Variants in IRAK1BP1 observed in about 807,000 individuals in gnomAD.
IRAK1BP1 encodes interleukin 1 receptor associated kinase 1 binding protein 1, also known as interleukin-1 receptor-associated kinase 1-binding protein 1.
In IRAK1BP1, 24 loss-of-function variants were observed where a neutral mutation model predicts 28.0. The observed-to-expected ratio is 0.86, with a 90% CI of 0.62 to 1.20. The LOEUF is 1.20. IRAK1BP1 is among the 50% of genes most tolerant of loss of function. The pLI, the probability that IRAK1BP1 is intolerant of heterozygous loss-of-function variation, is 0.00. For missense variants in IRAK1BP1, 336 were observed against 316.7 expected, an observed-to-expected ratio of 1.06 and a Z score of -0.46; for synonymous variants, 131 against 116.3, an observed-to-expected ratio of 1.13 and a Z score of -0.81.
intron 1 of IRAK1BP1, among the ~76,000 whole-genome samples, chr6:78,882,596 A>G (rs910117905): frequency 6.6e-6 from 1 of 152,218 alleles, no homozygotes; most frequent in Admixed American, 6.5e-5. Flanking sequence ...AGAAAACATC[A>G]ATGTCAAAAT....
chr6:78,935,993 C>T (rs1274334640), intron 4 of IRAK1BP1: 1 of 152,572 alleles, frequency 6.6e-6, no homozygotes, highest in Non-Finnish European at 1.5e-5. Flanking sequence ...TGCATCAAAA[C>T]TAACATAGAA....
chr6:78,903,237 C>T, downstream of IRAK1BP1: 1 of 509,298 alleles, frequency 2.0e-6, no homozygotes. Flanking sequence ...AATCCCAACA[C>T]TTCGGGAGGC....
intron 4 of IRAK1BP1, among the ~76,000 whole-genome samples, chr6:78,944,329 G>A (rs1000646585): frequency 2.6e-5 from 4 of 152,140 alleles, no homozygotes; most frequent in African/African-American, 2.4e-5. Context: ...CTGTGTGTAC[G>A]TACACACATC....
At chr6:78,973,952 C>A in the IRAK1BP1 span, among the ~76,000 whole-genome samples, 2 of 152,010 alleles carry the variant, frequency 1.3e-5, no homozygotes, top group Non-Finnish European at 2.9e-5. Flanking sequence ...CCACTGTCAA[C>A]ATTAGACAGA....
At chr6:78,971,681 C>T in the IRAK1BP1 span, among the ~76,000 whole-genome samples, 11 of 152,012 alleles carry the variant, frequency 7.2e-5, no homozygotes, top group Admixed American at 3.3e-4. Context: ...GCACCGTGTG[C>T]GAGCCGAAGT....
At chr6:78,938,535 C>G (rs960262785) in intron 4 of IRAK1BP1, 7 of 151,494 alleles carry the variant, frequency 4.6e-5, no homozygotes, top group African/African-American at 1.7e-4. Flanking sequence ...AGATTGCCTT[C>G]AAAAGCAACT....
At chr6:78,888,870 C>T (rs550295454) in intron 2 of IRAK1BP1, among the ~76,000 whole-genome samples, 344 of 152,134 alleles carry the variant, frequency 2.3e-3, no homozygotes, top group Non-Finnish European at 3.5e-3. Flanking sequence ...CTAATCCCAG[C>T]ACTTTGGGAG....
At chr6:78,964,692 C>T in the IRAK1BP1 span, among the ~76,000 whole-genome samples, 281 of 152,224 alleles carry the variant, frequency 1.8e-3, no homozygotes, top group African/African-American at 6.1e-3. Context: ...GGGGTTTCAC[C>T]ATGTTGGTCA....
the IRAK1BP1 span, among the ~76,000 whole-genome samples, chr6:78,975,547 G>T: frequency 5.3e-5 from 8 of 151,962 alleles, no homozygotes; most frequent in East Asian, 3.9e-4. Flanking sequence ...GAGAAGGAAA[G>T]AAAGGGTATT....
chr6:78,867,961 C>A, intron 1 of IRAK1BP1, 70 bp downstream of exon 1: 1 of 1,434,980 alleles, frequency 7.0e-7, no homozygotes, highest in Non-Finnish European at 9.3e-7. Context: ...TCGGGCCCCA[C>A]AGGCCCCCCT....
At chr6:78,868,777 G>A (rs1300489979) in intron 1 of IRAK1BP1, among the ~76,000 whole-genome samples, 1 of 152,124 alleles carries the variant, frequency 6.6e-6, no homozygotes, top group African/African-American at 2.4e-5. Context: ...CAATTCTGCC[G>A]ATAATTAGAA....
Position 78,903,043 on chromosome 6 carries a change from GC to G in IRAK1BP1, c.*4711del. 1 of 1,533,856 alleles carries G rather than the reference GC, an allele frequency of 6.5e-7. No individual in the cohort carries two copies. The highest frequency in any genetic ancestry group is 8.7e-7 in the Non-Finnish European group (1 of 1,145,022). On this transcript the variant is annotated 3_prime_UTR_variant, in exon 4 of 4. Coordinates refer to ENST00000369940, the MANE Select transcript of IRAK1BP1 (RefSeq NM_001010844.4). The stretch of plus-strand genomic sequence containing the variant: ...CCCAACCAACAATTACTCCCAGATA[GC>G]CATGTCACCTGTGAATTATCATGAA...
chr6:78,879,711 T>C (rs1033275566), intron 1 of IRAK1BP1, among the ~76,000 whole-genome samples: 6 of 152,094 alleles, frequency 3.9e-5, no homozygotes, highest in South Asian at 2.1e-4. Flanking sequence ...ACCTTACTTA[T>C]GTAGAGAAAA....
intron 1 of IRAK1BP1, among the ~76,000 whole-genome samples, chr6:78,873,574 G>T (rs1449183706): frequency 1.3e-5 from 2 of 151,974 alleles, no homozygotes; most frequent in East Asian, 1.9e-4. Context: ...AAACTCCGGG[G>T]CTCAAGCTAT....
intron 4 of IRAK1BP1, among the ~76,000 whole-genome samples, chr6:78,919,297 GAACA>G (rs1489375888): frequency 1.3e-5 from 2 of 151,872 alleles, no homozygotes; most frequent in African/African-American, 4.8e-5. Context: ...AGAAAAACAA[GAACA>G]AACTAGCCCC....
chr6:78,932,359 A>G (rs1773071490), intron 4 of IRAK1BP1, among the ~76,000 whole-genome samples: 1 of 150,952 alleles, frequency 6.6e-6, no homozygotes, highest in African/African-American at 2.4e-5. Flanking sequence ...CTTTGACCAG[A>G]TTCCTCAGAG....
At position 78,902,799 on chromosome 6, in the gene IRAK1BP1, CATACATACATACAT is replaced by C; in HGVS notation, c.*4467_*4480del. 2.2e-6 allele frequency: 1 copy of C among 459,752 alleles called. No individual in the cohort carries two copies. Among genetic ancestry groups the C allele is most frequent in the Non-Finnish European group, 3.8e-6 (1 of 260,086 alleles). The allele number at this position is 459,752 out of a possible 1,614,324, so 28.5% of individuals were successfully genotyped here. On this transcript the variant is annotated 3_prime_UTR_variant, in exon 4 of 4. Coordinates refer to ENST00000369940, the MANE Select transcript of IRAK1BP1 (RefSeq NM_001010844.4). Reference sequence around the variant, plus strand: ...ACATACATACATACATACATACATACATACATACATACATACATACATAAAATGCCCAGTATCTT... The same window carrying C: ...ACATACATACATACATACATACATACACATACATAAAATGCCCAGTATCTT...
chr6:78,910,526 T>TTA (rs755716679), intron 4 of IRAK1BP1, among the ~76,000 whole-genome samples: 1 of 152,244 alleles, frequency 6.6e-6, no homozygotes, highest in African/African-American at 2.4e-5. Context: ...GTTTGACGAA[T>TTA]TATACAACGT....
At chr6:78,971,562 T>C in the IRAK1BP1 span, among the ~76,000 whole-genome samples, 340 of 152,216 alleles carry the variant, frequency 2.2e-3, 1 homozygote, top group Non-Finnish European at 2.1e-3. Flanking sequence ...GGTCTACAGC[T>C]CCCAGCCTGA....
Sources: gnomAD v4.1 joint callset for allele counts (sites outside exome capture counted in the v4.1 genomes callset) on GRCh38, gnomAD v4.1.1 for gene constraint, MANE v1.5 for transcripts, NCBI Gene and HGNC (gene_info 2026-07-23, HGNC 2026-07-21) for gene names.